The following CLPB variants were observed in gnomAD, a reference collection of about 807,000 sequenced individuals.
CLPB encodes ClpB family mitochondrial disaggregase, also known as mitochondrial disaggregase.
CLPB carries 40 observed loss-of-function variants against 78.4 expected under a neutral mutation model. That is an observed-to-expected ratio of 0.51 (90% confidence interval 0.40 to 0.66). The LOEUF (loss-of-function observed/expected upper bound fraction) is 0.66, where lower values mean the gene tolerates loss of function less well. Ranked by LOEUF, CLPB falls within the 30% of genes least tolerant of loss-of-function variation. CLPB has a pLI of 0.00. For missense variants in CLPB, 780 were observed against 886.9 expected, an observed-to-expected ratio of 0.88 and a Z score of 1.53; for synonymous variants, 333 against 348.0, an observed-to-expected ratio of 0.96 and a Z score of 0.48.
Position 72,430,320 on chromosome 11 carries a change from T to G in CLPB, c.447A>C (p.Glu149Asp). Residue 149 changes from glutamate (E) to aspartate (D), a missense_variant, in exon 2 of 16, where the codon GAA (glutamate) becomes GAC (aspartate). Glu to Asp is a conservative substitution (Grantham distance 45, BLOSUM62 2). Around this residue, in one of 3 missense-constraint regions of CLPB, gnomAD observed 417 missense variants for 414.7 expected, o/e 1.01. Transcript: ENST00000538039. ...LEAARANNMQ[E>D]VSRLLSEGAD... Reference sequence around the variant, plus strand: ...CCTGGGGTTCAACTCACCTGCTGACTTCTTGCATATTGTTGGCACGGGCAG... The same window carrying G: ...CCTGGGGTTCAACTCACCTGCTGACGTCTTGCATATTGTTGGCACGGGCAG... The G allele has an allele frequency of 6.2e-7, 1 of 1,613,372 alleles. No homozygotes were observed. The highest frequency in any genetic ancestry group is 1.3e-5 in the African/African-American group (1 of 75,046).
At chr11:72,327,379 A>C (rs987237267) in intron 6 of CLPB, among the ~76,000 whole-genome samples, 29 of 152,198 alleles carry the variant, frequency 1.9e-4, no homozygotes, top group African/African-American at 7.0e-4. Context: ...ATCAATGTCT[A>C]CTTCGAATAT....
chr11:72,350,211 G>A (rs1196870875), intron 5 of CLPB, among the ~76,000 whole-genome samples: 1 of 152,206 alleles, frequency 6.6e-6, no homozygotes, highest in African/African-American at 2.4e-5. Flanking sequence ...TCAAGGCCTG[G>A]TCTTCCACAT....
At chr11:72,411,722 C>G (rs1855882571) in intron 2 of CLPB, 1 of 152,188 alleles carries the variant, frequency 6.6e-6, no homozygotes, top group African/African-American at 2.4e-5. Context: ...GGAGGTACCA[C>G]TTGATTTTTC....
rs767979751 is a variant in CLPB, at chr11:72,329,770, G to A, written c.810C>T (p.His270=). The A allele has an allele frequency of 6.2e-7, 1 of 1,613,970 alleles. No homozygotes were observed. Among genetic ancestry groups the A allele is most frequent in the South Asian group, 1.1e-5 (1 of 91,078 alleles). ...CTTCTCGGGCATAATCCAAGGGTGT[G>A]TGTCCCATTTCATTCCTCTGCAGGG... ...ANPLQRNEMG[H]TPLDYAREGE... The change falls in exon 6 of 16, where the codon CAC becomes CAT. Residue 270 remains histidine (H), a synonymous_variant. Transcript: ENST00000538039.
intron 5 of CLPB, chr11:72,354,183 T>C (rs1228778470): frequency 2.7e-6 from 1 of 373,474 alleles, no homozygotes; most frequent in African/African-American, 2.1e-5. Flanking sequence ...GCTCTTCCCT[T>C]GCAACCTCTC....
In CLPB at chr11:72,286,722, C is replaced by G. The variant is rs1949394627; in HGVS notation, c.*6645G>C. ...CTCCAGACCTAGGTGATCCACCTGC[C>G]TGGGCCTCCCAAAGTGTTGGAATTA... On this transcript the variant is annotated 3_prime_UTR_variant, in exon 16 of 16. Coordinates refer to ENST00000538039, the MANE Select transcript of CLPB (RefSeq NM_001258392.3). 1 of 152,180 alleles carries G rather than the reference C, an allele frequency of 6.6e-6. No individual in the cohort carries two copies. The highest frequency in any genetic ancestry group is 2.4e-5 in the African/African-American group (1 of 41,416). 9.4% of individuals were successfully genotyped at this position (152,180 alleles called of 1,614,324 possible).
chr11:72,414,573 C>A, intron 2 of CLPB, among the ~76,000 whole-genome samples: 1 of 152,238 alleles, frequency 6.6e-6, no homozygotes, highest in African/African-American at 2.4e-5. Context: ...GGCCTTCACT[C>A]ACTCAACAAA....
At chr11:72,346,837 C>T (rs928024185) in intron 5 of CLPB, among the ~76,000 whole-genome samples, 1 of 151,600 alleles carries the variant, frequency 6.6e-6, no homozygotes, top group African/African-American at 2.4e-5. Context: ...AAAATTTAGC[C>T]GGGCTTGGTG....
intron 2 of CLPB, among the ~76,000 whole-genome samples, chr11:72,429,500 T>C (rs1856482215): frequency 6.6e-6 from 1 of 152,180 alleles, no homozygotes; most frequent in East Asian, 1.9e-4. Flanking sequence ...ACTTCCTGTC[T>C]AACATGCAGA....
chr11:72,417,558 A>G (rs117662783), intron 2 of CLPB, among the ~76,000 whole-genome samples: 1,850 of 152,298 alleles, frequency 0.012, 15 homozygotes, highest in Non-Finnish European at 0.018. Flanking sequence ...ATGTTCTAAA[A>G]TCCACTAAAT....
chr11:72,347,696 T>G (rs976328848), intron 5 of CLPB, among the ~76,000 whole-genome samples: 1 of 152,168 alleles, frequency 6.6e-6, no homozygotes, highest in African/African-American at 2.4e-5. Context: ...CCCCCCACCC[T>G]CACCCAAGAT....
At chr11:72,424,208 T>C (rs1856295074) in intron 2 of CLPB, among the ~76,000 whole-genome samples, 1 of 152,228 alleles carries the variant, frequency 6.6e-6, no homozygotes, top group Non-Finnish European at 1.5e-5. Flanking sequence ...TGTACTGTTC[T>C]ATCATATTTT....
intron 7 of CLPB, among the ~76,000 whole-genome samples, chr11:72,310,302 G>T (rs1949821618): frequency 6.6e-6 from 1 of 152,154 alleles, no homozygotes; most frequent in African/African-American, 2.4e-5. Flanking sequence ...CCCAGAAAAT[G>T]CTCCCTGAGA....
At chr11:72,349,769 G>C (rs1950580211) in intron 5 of CLPB, among the ~76,000 whole-genome samples, 1 of 152,258 alleles carries the variant, frequency 6.6e-6, no homozygotes, top group African/African-American at 2.4e-5. Context: ...TGAGTGGGCT[G>C]GCAAAGGGCA....
chr11:72,354,409 C>G (rs1950669483), intron 5 of CLPB: 2 of 398,258 alleles, frequency 5.0e-6, no homozygotes, highest in East Asian at 7.1e-5. Context: ...GAAAAACGGC[C>G]ATGATTAGAG....
At chr11:72,383,348 C>A (rs534717640) in intron 3 of CLPB, among the ~76,000 whole-genome samples, 9 of 151,848 alleles carry the variant, frequency 5.9e-5, no homozygotes, top group South Asian at 4.1e-4. Flanking sequence ...CACGGTGAAA[C>A]CCCGTCTCTA....
chr11:72,332,616 CCTAT>C (rs1835437983), intron 5 of CLPB: 2 of 152,096 alleles, frequency 1.3e-5, no homozygotes, highest in Non-Finnish European at 2.9e-5. Flanking sequence ...AAAGAAATTC[CCTAT>C]CTATTATCAG....
At chr11:72,394,054 C>T (rs1425445478) in intron 3 of CLPB, among the ~76,000 whole-genome samples, 1 of 152,218 alleles carries the variant, frequency 6.6e-6, no homozygotes, top group Non-Finnish European at 1.5e-5. Context: ...TCCATTCATA[C>T]ATAAACAATG....
At chr11:72,296,945 G>T (rs533290860) in intron 11 of CLPB, among the ~76,000 whole-genome samples, 2 of 152,190 alleles carry the variant, frequency 1.3e-5, no homozygotes, top group Admixed American at 1.3e-4. Flanking sequence ...TGAACTATCT[G>T]ACCTCAGAGC....
Sources: allele counts gnomAD v4.1 joint callset (sites outside exome capture counted in the v4.1 genomes callset), GRCh38; gene constraint gnomAD v4.1.1; regional missense constraint gnomAD v4.1.1; transcripts MANE v1.5; gene names NCBI Gene and HGNC (gene_info 2026-07-23, HGNC 2026-07-21).